The following TCIRG1 variants were observed in gnomAD, a reference collection of about 807,000 sequenced individuals.
TCIRG1 encodes the protein T cell immune regulator 1, ATPase H+ transporting V0 subunit a3.
Under a neutral mutation model 95.5 loss-of-function variants are expected in TCIRG1, and 86 were observed. That is an observed-to-expected ratio of 0.90 (90% confidence interval 0.76 to 1.08). The LOEUF is 1.08. Among genes scored for constraint, TCIRG1 ranks in the 50% least tolerant of loss-of-function variants. The pLI, the probability that TCIRG1 is intolerant of heterozygous loss-of-function variation, is 0.00. For missense variants in TCIRG1, 1,069 were observed against 1,140.2 expected, an observed-to-expected ratio of 0.94 and a Z score of 0.90; for synonymous variants, 499 against 501.3, an observed-to-expected ratio of 1.00 and a Z score of 0.06.
chr11:68,049,132 C>G lies in TCIRG1; in HGVS notation c.1725C>G (p.Thr575=). 1.2e-6 allele frequency: 2 copies of G among 1,613,896 alleles called. No individual in the cohort carries two copies. Among genetic ancestry groups the G allele is most frequent in the East Asian group, 2.2e-5 (1 of 44,888 alleles). Residue 575 remains threonine, a synonymous_variant, in exon 15 of 20, where the codon ACC becomes ACG. Coordinates refer to ENST00000265686, the MANE Select transcript of TCIRG1 (RefSeq NM_006019.4). ...TGCTGGAGACGCTGCCGGAGCTCAC[C>G]TTCCTGCTGGGACTCTTCGGTTACC... The part of the protein sequence containing the change: ...RLLLETLPEL[T]FLLGLFGYLV...
chr11:68,049,793 G>C lies in TCIRG1; in HGVS notation c.2013+5G>C. 6.4e-7 allele frequency: 1 copy of C among 1,567,816 alleles called. No individual in the cohort carries two copies. Among genetic ancestry groups the C allele is most frequent in the Non-Finnish European group, 8.6e-7 (1 of 1,163,996 alleles). ...AGGAGGCCCGCTGACCGACAGGTGG[G>C]ACCGGGGCCTAAGGTGTGGGGGGCT... On this transcript the variant is annotated splice_donor_5th_base_variant and intron_variant, in intron 16 of 19. Coordinates refer to ENST00000265686, the MANE Select transcript of TCIRG1 (RefSeq NM_006019.4).
intron 13 of TCIRG1, 68 bp from the exon 14 acceptor site, chr11:68,048,811 G>A: frequency 1.7e-6 from 2 of 1,150,156 alleles, no homozygotes; most frequent in Non-Finnish European, 2.6e-6. Context: ...AGTGACTCGG[G>A]CCGGGGACTT....
Position 68,049,698 on chromosome 11 carries a change from G to A in TCIRG1, c.1923G>A (p.Leu641=). Residue 641 remains leucine, a synonymous_variant, in exon 16 of 20, where the codon TTG becomes TTA. Coordinates refer to ENST00000265686, the MANE Select transcript of TCIRG1 (RefSeq NM_006019.4). ...AGGCCACGCTGGTGGTCCTGGCCTTGGCCATGGTGCCCATCCTGCTGCTTG... is the reference window on the plus strand; with the variant it reads ...AGGCCACGCTGGTGGTCCTGGCCTTAGCCATGGTGCCCATCCTGCTGCTTG... ...VVQATLVVLA[L]AMVPILLLGT... The A allele has an allele frequency of 6.3e-7, 1 of 1,599,396 alleles. No homozygotes were observed. Among genetic ancestry groups the A allele is most frequent in the Non-Finnish European group, 8.5e-7 (1 of 1,177,980 alleles).
intron 10 of TCIRG1, chr11:68,046,833 G>C (rs906057608): frequency 2.0e-4 from 91 of 455,654 alleles, no homozygotes; most frequent in Non-Finnish European, 3.8e-4. Flanking sequence ...GGAGCTCTGG[G>C]AACAGCAACA....
chr11:68,048,734 T>A lies in TCIRG1; in HGVS notation c.1555-145T>A, dbSNP rs1169246841. The A allele has an allele frequency of 4.3e-5, 33 of 762,120 alleles. 2 individuals are homozygous for A. The Admixed American group carries it at 5.8e-4, about 13-fold the overall frequency. 47.2% of individuals were successfully genotyped at this position (762,120 alleles called of 1,614,324 possible). ...TGGCAGCTGGCCCATCTGCGCTCTG[T>A]TGCCCCTCGGTGGGTGGGTGATGGA... On this transcript the variant is annotated intron_variant, in intron 13 of 19. Transcript: ENST00000265686.
chr11:68,042,493 C>T, intron 3 of TCIRG1, 150 bp from the exon 4 acceptor site: 1 of 672,084 alleles, frequency 1.5e-6, no homozygotes, highest in South Asian at 1.8e-5. Flanking sequence ...GGGAGCACAG[C>T]TTCTGGATGA....
chr11:68,050,420 G>A (rs566589813), intron 18 of TCIRG1, 67 bp from the exon 19 acceptor site: 41 of 1,610,780 alleles, frequency 2.5e-5, no homozygotes, highest in Admixed American at 1.3e-4. Context: ...TTCAGGCTGC[G>A]GCAGGTAGGT....
At chr11:68,041,468 C>A (rs902167110) in intron 2 of TCIRG1, 80 bp downstream of exon 2, 5 of 1,089,592 alleles carry the variant, frequency 4.6e-6, no homozygotes, top group East Asian at 2.4e-5. Flanking sequence ...GGACTGCCCC[C>A]CCTCCGCCAT....
downstream of TCIRG1, chr11:68,053,426 C>T (rs1456323174): frequency 1.3e-5 from 2 of 152,980 alleles, no homozygotes; most frequent in African/African-American, 4.8e-5. Context: ...GCTGCTCCAG[C>T]TTCAGCCATG....
intron 13 of TCIRG1, chr11:68,048,176 C>T (rs1319751554): frequency 3.1e-6 from 2 of 643,984 alleles, no homozygotes; most frequent in Non-Finnish European, 2.8e-6. Flanking sequence ...AAAGCGAGAC[C>T]AGCCAGGAAC....
At chr11:68,048,021 G>A (rs201515052) in intron 13 of TCIRG1, 49 bp downstream of exon 13, 4 of 1,531,298 alleles carry the variant, frequency 2.6e-6, no homozygotes, top group Admixed American at 3.3e-5. Flanking sequence ...AGCTGGGAGT[G>A]GGGGCTGGGG....
intron 5 of TCIRG1, 49 bp from the exon 6 acceptor site, chr11:68,043,322 A>T (rs1470363299): frequency 2.0e-6 from 3 of 1,527,536 alleles, no homozygotes. Flanking sequence ...CTGGTGGGGG[A>T]GGCAGGGCAG....
chr11:68,039,324 G>A (rs985429482), intron 1 of TCIRG1, among the ~76,000 whole-genome samples: 43 of 152,288 alleles, frequency 2.8e-4, no homozygotes, highest in African/African-American at 9.6e-4. Context: ...TACCAACACA[G>A]CCCAGCGTTC....
chr11:68,047,211 G>T (rs531365674), intron 10 of TCIRG1, among the ~76,000 whole-genome samples: 3 of 144,782 alleles, frequency 2.1e-5, no homozygotes, highest in African/African-American at 7.7e-5. Flanking sequence ...GGGTTTCACC[G>T]TGTGGGCCAG....
Position 68,050,753 on chromosome 11 carries a change from G to C in TCIRG1, c.2427G>C (p.Gln809His), listed in dbSNP as rs1426622389. ...TTCTCACCCCCAGGGTGGAATTCCA[G>C]AACAAGTTCTACTCAGGCACGGGCT... ...HALRLHWVEF[Q>H]NKFYSGTGYK... Residue 809 changes from glutamine (Q) to histidine (H), a missense_variant, in exon 20 of 20, where the codon CAG becomes CAC. Physicochemically the swap from Gln to His is conservative, Grantham distance 24. Coordinates refer to ENST00000265686, the MANE Select transcript of TCIRG1 (RefSeq NM_006019.4). 3 of 1,613,942 alleles carry C rather than the reference G, an allele frequency of 1.9e-6. No homozygotes were observed. The highest frequency in any genetic ancestry group is 2.5e-6 in the Non-Finnish European group (3 of 1,180,030).
chr11:68,048,065 G>A (rs1156766494), intron 13 of TCIRG1, 93 bp downstream of exon 13: 8 of 1,111,140 alleles, frequency 7.2e-6, no homozygotes, highest in South Asian at 1.3e-5. Flanking sequence ...CAGCGCTGTC[G>A]CTGAGCACTC....
intron 7 of TCIRG1, 46 bp downstream of exon 7, chr11:68,043,699 C>T: frequency 6.4e-7 from 1 of 1,555,760 alleles, no homozygotes; most frequent in South Asian, 1.2e-5. Flanking sequence ...TCCCCAGGCC[C>T]CTGCTGTCAC....
chr11:68,052,124 A>C (rs1855816856), downstream of TCIRG1: 1 of 152,326 alleles, frequency 6.6e-6, no homozygotes, highest in South Asian at 2.1e-4. Context: ...TGAACAGCAC[A>C]GGCCCGAGCC....
In TCIRG1 at chr11:68,045,101, C is replaced by T. The variant is rs142053937; in HGVS notation, c.1164C>T (p.Pro388=). 3.6e-5 allele frequency: 58 copies of T among 1,600,622 alleles called. No homozygotes were observed. Among genetic ancestry groups the T allele is most frequent in the Middle Eastern group, 1.6e-4 (1 of 6,078 alleles). ...TGGGCCGCTACCAGGAGGTCAACCCCGGTGAGAGCCACGGCATCCTTACCC... is the reference window on the plus strand; with the variant it reads ...TGGGCCGCTACCAGGAGGTCAACCCTGGTGAGAGCCACGGCATCCTTACCC... ...YGVGRYQEVN[P]APYTIITFPF... is the part of the protein sequence containing the mutation. The change falls in exon 10 of 20, where the codon CCC becomes CCT. Residue 388 remains proline, a splice_region_variant and synonymous_variant. Coordinates refer to ENST00000265686, the MANE Select transcript of TCIRG1 (RefSeq NM_006019.4).
Sources: gnomAD v4.1 joint callset for allele counts (sites outside exome capture counted in the v4.1 genomes callset) on GRCh38, gnomAD v4.1.1 for gene constraint, MANE v1.5 for transcripts, NCBI Gene and HGNC (gene_info 2026-07-23, HGNC 2026-07-21) for gene names.